Variants in UNC80 observed in about 807,000 individuals in gnomAD.
UNC80 encodes unc-80 subunit of NALCN channel complex.
In UNC80, 164 loss-of-function variants were observed where a neutral mutation model predicts 384.6. That is an observed-to-expected ratio of 0.43 (90% CI 0.38 to 0.49). The LOEUF (loss-of-function observed/expected upper bound fraction) is 0.49, where lower values mean the gene tolerates loss of function less well. Among genes scored for constraint, UNC80 ranks in the 20% least tolerant of loss-of-function variants. The pLI, the probability that UNC80 is intolerant of heterozygous loss-of-function variation, is 0.00. For synonymous variants in UNC80, 1,486 were observed against 1,527.8 expected (o/e 0.97, Z 0.64); for missense variants, 3,330 against 4,143.0 (o/e 0.80, Z 5.39).
Position 209,918,038 on chromosome 2 carries a change from C to G in UNC80, c.5211+80C>G, listed in dbSNP as rs1318411173. On this transcript the variant is annotated intron_variant, in intron 32 of 64. Coordinates refer to ENST00000673920, the MANE Select transcript of UNC80 (RefSeq NM_001371986.1). ...TTTAAACCGTTGAACCTCAAAGTCA[C>G]AGTATGTGGCCAAAGATATTCTTCT... 6.1e-6 allele frequency: 8 copies of G among 1,319,636 alleles called. No homozygotes were observed. The East Asian group carries it at 2.0e-4, about 33-fold the overall frequency. The allele number at this position is 1,319,636 out of a possible 1,614,324, so 81.7% of individuals were successfully genotyped here.
In UNC80 at chr2:209,926,822, T is replaced by G. The variant is rs2090472957; in HGVS notation, c.5663-21T>G. The G allele has an allele frequency of 2.6e-6, 4 of 1,551,588 alleles. No homozygotes were observed. The East Asian group carries it at 7.3e-5, about 28-fold the overall frequency. Reference sequence around the variant, plus strand: ...AATTACGTTACTGAGAAAAGCACCCTGATTTTGTCTCCCATTTTAGATGAG... The same window carrying G: ...AATTACGTTACTGAGAAAAGCACCCGGATTTTGTCTCCCATTTTAGATGAG... On this transcript the variant is annotated intron_variant, in intron 35 of 64. Coordinates refer to ENST00000673920, the MANE Select transcript of UNC80 (RefSeq NM_001371986.1).
At chr2:209,809,569 G>A (rs1236032755) in intron 7 of UNC80, 2 of 850,188 alleles carry the variant, frequency 2.4e-6, no homozygotes, top group Non-Finnish European at 3.9e-6. Context: ...CTGCTCAGGG[G>A]GCCCTCGCTG....
At position 209,973,275 on chromosome 2, in the gene UNC80, GTAC is replaced by G; in HGVS notation, c.8587+7_8587+9del. 1 of 1,550,784 alleles carries G rather than the reference GTAC, an allele frequency of 6.4e-7. No individual in the cohort carries two copies. The highest frequency in any genetic ancestry group is 8.7e-7 in the Non-Finnish European group (1 of 1,146,432). ...CCAGCCAAGCAGCATACTTGGGTTG[GTAC>G]TTTCTCTCTCTCTCTCTCTGTTTGT... On this transcript the variant is annotated splice_donor_region_variant and intron_variant, in intron 56 of 64. Coordinates refer to ENST00000673920, the MANE Select transcript of UNC80 (RefSeq NM_001371986.1).
intron 29 of UNC80, among the ~76,000 whole-genome samples, chr2:209,907,592 G>T (rs1325554372): frequency 1.3e-5 from 2 of 152,302 alleles, no homozygotes; most frequent in South Asian, 2.1e-4. Flanking sequence ...AAGGGCCATG[G>T]CTGGAGCACA....
intron 29 of UNC80, among the ~76,000 whole-genome samples, chr2:209,910,076 C>A (rs921470701): frequency 6.6e-6 from 1 of 150,786 alleles, no homozygotes; most frequent in African/African-American, 2.4e-5. Context: ...ACACATCAAG[C>A]AGGGAACTGT....
Position 209,888,124 on chromosome 2 carries a change from TC to T in UNC80, c.4143del (p.Glu1382SerfsTer52). ...TGGAGAGCTGCAGACTTCGTTTGGA[TC>T]CCGAGTTGGACCGGCACAGATATGA... ...DLESCRLRLDPELDRHRYERK... is the reference protein window; with the variant it reads ...DLESCRLRLDXELDRHRYERK... On this transcript the variant is annotated frameshift_variant, in exon 26 of 65. Coordinates refer to ENST00000673920, the MANE Select transcript of UNC80 (RefSeq NM_001371986.1). LOFTEE classifies it high-confidence loss of function. The T allele has an allele frequency of 6.4e-7, 1 of 1,551,618 alleles. No individual in the cohort carries two copies. Among genetic ancestry groups the T allele is most frequent in the Non-Finnish European group, 8.7e-7 (1 of 1,146,968 alleles).
chr2:209,833,071 G>A (rs1470022133), intron 16 of UNC80, among the ~76,000 whole-genome samples: 1 of 152,188 alleles, frequency 6.6e-6, no homozygotes, highest in African/African-American at 2.4e-5. Flanking sequence ...AACTACTGCA[G>A]AGCAGAGTGA....
chr2:209,831,698 C>A, intron 16 of UNC80, 107 bp downstream of exon 16: 1 of 1,263,272 alleles, frequency 7.9e-7, no homozygotes, highest in Non-Finnish European at 1.0e-6. Flanking sequence ...AAAGTCTACA[C>A]TTTAAAGTTT....
At chr2:209,837,521 T>C (rs1327315121) in intron 18 of UNC80, among the ~76,000 whole-genome samples, 3 of 152,180 alleles carry the variant, frequency 2.0e-5, no homozygotes, top group Non-Finnish European at 2.9e-5. Context: ...TGTACTTTTT[T>C]CCCCCAATTA....
chr2:209,989,256 T>G (rs2093349332), intron 61 of UNC80, among the ~76,000 whole-genome samples: 1 of 149,424 alleles, frequency 6.7e-6, no homozygotes, highest in African/African-American at 2.5e-5. Context: ...ACGCAGGAGG[T>G]GGAGGATTCA....
At position 209,982,250 on chromosome 2, in the gene UNC80, C is replaced by A; in HGVS notation, c.9190C>A (p.Arg3064=). The A allele has an allele frequency of 6.4e-7, 1 of 1,551,496 alleles. No individual in the cohort carries two copies. Among genetic ancestry groups the A allele is most frequent in the South Asian group, 1.2e-5 (1 of 84,042 alleles). ...CCTCCTGAGTGCCATTGGAAGGAGG[C>A]GATTCTCCAGCCATGTCTCCAGCAT... The part of the protein sequence containing the change: ...AYLLSAIGRR[R]FSSHVSSMSV... Residue 3064 remains arginine (R), a synonymous_variant, in exon 60 of 65, where the codon CGA becomes AGA. Coordinates refer to ENST00000673920, the MANE Select transcript of UNC80 (RefSeq NM_001371986.1).
At chr2:209,934,766 A>G (rs1236680525) in intron 39 of UNC80, among the ~76,000 whole-genome samples, 1 of 152,198 alleles carries the variant, frequency 6.6e-6, no homozygotes, top group Non-Finnish European at 1.5e-5. Context: ...TTCATACTTC[A>G]CAATTGTGAG....
At chr2:209,866,120 T>C (rs1384313299) in intron 22 of UNC80, among the ~76,000 whole-genome samples, 1 of 152,218 alleles carries the variant, frequency 6.6e-6, no homozygotes, top group African/African-American at 2.4e-5. Context: ...TGAAATACGA[T>C]ATTTATTCTA....
intron 18 of UNC80, among the ~76,000 whole-genome samples, chr2:209,838,638 G>A (rs1273728273): frequency 6.6e-6 from 1 of 152,078 alleles, no homozygotes; most frequent in Non-Finnish European, 1.5e-5. Context: ...GAGGAACAGT[G>A]CTGCACAAGC....
chr2:209,921,687 GTGCCCTC>G lies in UNC80; in HGVS notation c.5530+5_5530+11del. Reference sequence around the variant, plus strand: ...CCCAACTCAGAACCGGAAGAAGAAGGTGCCCTCTGCACACAGGACTTCTTGGGGGGCT... The same window carrying G: ...CCCAACTCAGAACCGGAAGAAGAAGGTGCACACAGGACTTCTTGGGGGGCT... On this transcript the variant is annotated splice_donor_variant and splice_donor_5th_base_variant and intron_variant, in intron 34 of 64. Coordinates refer to ENST00000673920, the MANE Select transcript of UNC80 (RefSeq NM_001371986.1). LOFTEE classifies it high-confidence loss of function. 6.5e-7 allele frequency: 1 copy of G among 1,548,908 alleles called. No individual in the cohort carries two copies. Among genetic ancestry groups the G allele is most frequent in the Non-Finnish European group, 8.7e-7 (1 of 1,145,872 alleles).
intron 23 of UNC80, among the ~76,000 whole-genome samples, chr2:209,876,601 T>C (rs1227181587): frequency 2.6e-5 from 4 of 152,194 alleles, no homozygotes; most frequent in African/African-American, 4.8e-5. Flanking sequence ...TTTTTCCCTT[T>C]TGAGTCTCAC....
At chr2:209,782,145 A>G (rs958368927) in intron 4 of UNC80, among the ~76,000 whole-genome samples, 1 of 152,154 alleles carries the variant, frequency 6.6e-6, no homozygotes, top group African/African-American at 2.4e-5. Flanking sequence ...TCTAACCTCA[A>G]CACCAAGGTG....
chr2:209,842,666 T>A (rs1331119971), intron 21 of UNC80, among the ~76,000 whole-genome samples: 1 of 152,170 alleles, frequency 6.6e-6, no homozygotes, highest in Non-Finnish European at 1.5e-5. Flanking sequence ...GGGCACTGGG[T>A]TTTCAAAGAG....
intron 22 of UNC80, among the ~76,000 whole-genome samples, chr2:209,861,291 C>G (rs557248215): frequency 6.6e-6 from 1 of 152,204 alleles, no homozygotes; most frequent in South Asian, 2.1e-4. Flanking sequence ...CCTTTCTGCA[C>G]CTATTGAGAT....
Sources: gnomAD v4.1 joint callset for allele counts (sites outside exome capture counted in the v4.1 genomes callset) on GRCh38, gnomAD v4.1.1 for gene constraint, MANE v1.5 for transcripts, NCBI Gene and HGNC (gene_info 2026-07-23, HGNC 2026-07-21) for gene names.